FMNL2: variants seen among roughly 807,000 people sequenced by gnomAD.
FMNL2 encodes the protein formin-like protein 2.
In FMNL2, 51 loss-of-function variants were observed where a neutral mutation model predicts 130.2. The ratio of observed to expected loss-of-function variants is 0.39; its 90% CI spans 0.31 to 0.49. The LOEUF is 0.49. FMNL2 is among the 20% of genes least tolerant of loss of function. The probability of loss-of-function intolerance (pLI) is 0.85; values close to 1 mark genes in which losing one functional copy is unlikely to be tolerated. For synonymous variants in FMNL2, 465 were observed against 467.1 expected (o/e 1.00, Z 0.06); for missense variants, 977 against 1,316.2 (o/e 0.74, Z 3.99).
intron 2 of FMNL2, among the ~76,000 whole-genome samples, chr2:152,540,838 TAATTAAA>T (rs1694274590): frequency 6.6e-6 from 1 of 152,160 alleles, no homozygotes; most frequent in African/African-American, 2.4e-5. Context: ...ACTTAAAGTA[TAATTAAA>T]AATTAATAAT....
At chr2:152,394,027 G>A (rs187101968) in intron 1 of FMNL2, among the ~76,000 whole-genome samples, 17 of 152,216 alleles carry the variant, frequency 1.1e-4, no homozygotes, top group Admixed American at 7.8e-4. Flanking sequence ...TTTGATTAGC[G>A]GGCCATAGTT....
chr2:152,625,386 G>C, intron 15 of FMNL2, 52 bp from the exon 16 acceptor site: 2 of 1,567,392 alleles, frequency 1.3e-6, no homozygotes, highest in Non-Finnish European at 1.7e-6. Context: ...TTGTTCCTGA[G>C]GGTCGTAGGC....
At chr2:152,612,358 A>C (rs1430882760) in intron 11 of FMNL2, among the ~76,000 whole-genome samples, 1 of 152,134 alleles carries the variant, frequency 6.6e-6, no homozygotes, top group Non-Finnish European at 1.5e-5. Flanking sequence ...CATCTATACA[A>C]AACACCAAAA....
chr2:152,629,196 A>G (rs955707567), intron 18 of FMNL2, among the ~76,000 whole-genome samples: 1 of 152,184 alleles, frequency 6.6e-6, no homozygotes, highest in African/African-American at 2.4e-5. Flanking sequence ...TGCTTATAGT[A>G]GTATGTCTGT....
At chr2:152,363,552 TTTTTC>T (rs955918549) in intron 1 of FMNL2, among the ~76,000 whole-genome samples, 30 of 149,562 alleles carry the variant, frequency 2.0e-4, no homozygotes, top group Non-Finnish European at 3.3e-4. Context: ...TCAGTGAGTT[TTTTTC>T]TTTTCTTTTT....
intron 2 of FMNL2, among the ~76,000 whole-genome samples, chr2:152,524,496 G>A (rs1693275492): frequency 1.3e-5 from 2 of 152,162 alleles, no homozygotes; most frequent in African/African-American, 4.8e-5. Flanking sequence ...ACCCATTTCT[G>A]TGTTATAGTA....
At chr2:152,420,853 T>C (rs1446464258) in intron 1 of FMNL2, among the ~76,000 whole-genome samples, 1 of 152,190 alleles carries the variant, frequency 6.6e-6, no homozygotes, top group Non-Finnish European at 1.5e-5. Context: ...AGTTCCACTC[T>C]GAATCCCAGT....
chr2:152,605,478 C>G (rs1205411704), intron 9 of FMNL2, among the ~76,000 whole-genome samples: 1 of 152,074 alleles, frequency 6.6e-6, no homozygotes, highest in Non-Finnish European at 1.5e-5. Flanking sequence ...GCCACTGCAC[C>G]TGTCTGATTT....
chr2:152,600,649 C>T (rs1285470292), intron 9 of FMNL2, among the ~76,000 whole-genome samples: 1 of 152,166 alleles, frequency 6.6e-6, no homozygotes, highest in East Asian at 1.9e-4. Context: ...CCACCTTTGC[C>T]TCCAGGGTCC....
intron 1 of FMNL2, among the ~76,000 whole-genome samples, chr2:152,484,612 A>G (rs529732724): frequency 1.2e-4 from 19 of 152,190 alleles, no homozygotes; most frequent in African/African-American, 4.1e-4. Flanking sequence ...TCTATAAAAA[A>G]CTTAAAAAAT....
At chr2:152,336,742 A>G (rs976801705) in intron 1 of FMNL2, among the ~76,000 whole-genome samples, 1 of 152,142 alleles carries the variant, frequency 6.6e-6, no homozygotes, top group African/African-American at 2.4e-5. Context: ...GGACACACAC[A>G]GGCGAGATTG....
chr2:152,568,218 G>GGTTTTTTT (rs1270152711), intron 6 of FMNL2, among the ~76,000 whole-genome samples: 1 of 34,862 alleles, frequency 2.9e-5, no homozygotes, highest in African/African-American at 8.4e-5. Flanking sequence ...ATTTTGGTGG[G>GGTTTTTTT]TTTTTTTTTT....
At chr2:152,561,665 C>G (rs904462241) in intron 6 of FMNL2, among the ~76,000 whole-genome samples, 1 of 152,090 alleles carries the variant, frequency 6.6e-6, no homozygotes, top group African/African-American at 2.4e-5. Context: ...CCTCCACCTC[C>G]CAGGCTCAAG....
At position 152,509,737 on chromosome 2, in the gene FMNL2, C is replaced by CTTTTTTTTTTTTTTTTTTTTT. The variant is rs138976882; in HGVS notation, c.118-12200_118-12180dup. ...GAGAAGGTATATCTGTACTCTGGAC[C>CTTTTTTTTTTTTTTTTTTTTT]TTTTTTTTTTTTTTTTTTTTTTTTT... On this transcript the variant is annotated intron_variant, in intron 1 of 25. Coordinates refer to ENST00000288670, the MANE Select transcript of FMNL2 (RefSeq NM_052905.4). Among the ~76,000 whole-genome samples the CTTTTTTTTTTTTTTTTTTTTT allele has an allele frequency of 1.5e-4, 9 of 58,676 alleles. 2 individuals carry two copies. The highest frequency in any genetic ancestry group is 6.4e-4 in the African/African-American group (9 of 14,024). 38.5% of individuals were successfully genotyped at this position (58,676 alleles called of 152,430 possible). A position where few individuals can be genotyped will look rare whatever the true frequency, so the allele number is the denominator to read the frequency against.
At chr2:152,565,766 TATG>T (rs145513887) in intron 6 of FMNL2, among the ~76,000 whole-genome samples, 2,271 of 152,116 alleles carry the variant, frequency 0.015, 67 homozygotes, top group African/African-American at 0.051. Flanking sequence ...TTGTTTTTCT[TATG>T]ATGATGATGA....
At chr2:152,556,986 G>A (rs1421195825) in intron 4 of FMNL2, among the ~76,000 whole-genome samples, 3 of 151,712 alleles carry the variant, frequency 2.0e-5, no homozygotes, top group Admixed American at 6.6e-5. Flanking sequence ...AAAAGCCTAA[G>A]CAAGGCTAAG....
At chr2:152,382,335 G>A (rs962372566) in intron 1 of FMNL2, among the ~76,000 whole-genome samples, 1 of 152,192 alleles carries the variant, frequency 6.6e-6, no homozygotes, top group Non-Finnish European at 1.5e-5. Context: ...GCGTCATTAA[G>A]GAAAGCGCAT....
intron 1 of FMNL2, among the ~76,000 whole-genome samples, chr2:152,368,467 G>A (rs201079791): frequency 6.7e-6 from 1 of 149,370 alleles, no homozygotes; most frequent in East Asian, 2.0e-4. Context: ...TATTTTAAAA[G>A]TTTTTTTTTT....
chr2:152,425,218 A>G (rs1419357129), intron 1 of FMNL2, among the ~76,000 whole-genome samples: 1 of 152,188 alleles, frequency 6.6e-6, no homozygotes, highest in African/African-American at 2.4e-5. Flanking sequence ...AAAATCCAAT[A>G]TGGGCCTTAT....
Sources: allele counts gnomAD v4.1 joint callset (sites outside exome capture counted in the v4.1 genomes callset), GRCh38; gene constraint gnomAD v4.1.1; transcripts MANE v1.5; gene names NCBI Gene and HGNC (gene_info 2026-07-23, HGNC 2026-07-21).